EIF4G3: variants seen among roughly 807,000 people sequenced by gnomAD.
The protein encoded by EIF4G3 is eukaryotic translation initiation factor 4 gamma 3, also known as eIF-4-gamma 3.
In EIF4G3, 34 loss-of-function variants were observed where a neutral mutation model predicts 186.4. That is an observed-to-expected ratio of 0.18 (90% confidence interval 0.14 to 0.24). EIF4G3 has a LOEUF of 0.24. Among genes scored for constraint, EIF4G3 ranks in the 10% least tolerant of loss-of-function variants. The probability of loss-of-function intolerance (pLI) is 1.00; values close to 1 mark genes in which losing one functional copy is unlikely to be tolerated. For missense variants in EIF4G3, 1,536 were observed against 1,948.5 expected, an observed-to-expected ratio of 0.79 and a Z score of 3.99; for synonymous variants, 673 against 679.5, an observed-to-expected ratio of 0.99 and a Z score of 0.15.
chr1:21,090,313 ACT>A (rs1289304973), intron 2 of EIF4G3, among the ~76,000 whole-genome samples: 1 of 152,172 alleles, frequency 6.6e-6, no homozygotes, highest in African/African-American at 2.4e-5. Context: ...ATGGTTAAAG[ACT>A]CTGATTATTA....
At chr1:20,910,881 CAAAG>C (rs1225881778) in intron 14 of EIF4G3, among the ~76,000 whole-genome samples, 6 of 152,134 alleles carry the variant, frequency 3.9e-5, no homozygotes, top group African/African-American at 9.7e-5. Flanking sequence ...TGGAAGGAAA[CAAAG>C]AAAAGTTTAA....
chr1:20,933,409 C>A (rs1391149140), intron 14 of EIF4G3, among the ~76,000 whole-genome samples: 2 of 152,174 alleles, frequency 1.3e-5, no homozygotes, highest in East Asian at 3.8e-4. Flanking sequence ...GTAATCCCAG[C>A]ACTTTGGGAG....
intron 3 of EIF4G3, among the ~76,000 whole-genome samples, chr1:21,054,134 C>A (rs1333295894): frequency 2.0e-5 from 3 of 151,894 alleles, no homozygotes; most frequent in Admixed American, 6.6e-5. Flanking sequence ...AAGAAAAATT[C>A]TTCTGCCTTG....
At chr1:21,090,987 T>G (rs868371822) in intron 2 of EIF4G3, among the ~76,000 whole-genome samples, 1 of 152,134 alleles carries the variant, frequency 6.6e-6, no homozygotes, top group African/African-American at 2.4e-5. Context: ...TATTTCTACA[T>G]AGTTCTGAAA....
intron 20 of EIF4G3, 23 bp downstream of exon 20, chr1:20,879,300 T>C (rs1288292425): frequency 6.4e-7 from 1 of 1,553,636 alleles, no homozygotes; most frequent in East Asian, 2.4e-5. Context: ...GATTTCTCGT[T>C]TTACTCCTTC....
chr1:20,902,129 T>A (rs1050223925), intron 15 of EIF4G3, among the ~76,000 whole-genome samples: 7 of 151,854 alleles, frequency 4.6e-5, no homozygotes, highest in South Asian at 2.1e-4. Context: ...AGTGGCGCGA[T>A]CTCGGCTCAC....
chr1:20,859,187 C>A (rs2154551581), intron 24 of EIF4G3, among the ~76,000 whole-genome samples: 1 of 152,300 alleles, frequency 6.6e-6, no homozygotes, highest in Non-Finnish European at 1.5e-5. Flanking sequence ...TTGTCTGGCA[C>A]TTTTCCAAGA....
chr1:21,038,775 TATAA>T (rs2093387851), intron 4 of EIF4G3, among the ~76,000 whole-genome samples: 2 of 132,498 alleles, frequency 1.5e-5, no homozygotes, highest in Admixed American at 7.4e-5. Flanking sequence ...AAAAGTTATG[TATAA>T]GTTCTTTATT....
At chr1:20,954,534 CAAAAAAAAAA>C (rs35942587) in intron 12 of EIF4G3, among the ~76,000 whole-genome samples, 4 of 49,338 alleles carry the variant, frequency 8.1e-5, no homozygotes, top group African/African-American at 2.9e-4. Context: ...GACCCCGTCT[CAAAAAAAAAA>C]AAAAAAAAAA....
At chr1:20,891,174 G>C (rs1299152389) in intron 18 of EIF4G3, among the ~76,000 whole-genome samples, 1 of 152,150 alleles carries the variant, frequency 6.6e-6, no homozygotes, top group African/African-American at 2.4e-5. Flanking sequence ...TAATTTAAAA[G>C]AGACATTGCT....
At chr1:21,053,373 G>A (rs557190900) in intron 3 of EIF4G3, among the ~76,000 whole-genome samples, 1 of 149,692 alleles carries the variant, frequency 6.7e-6, no homozygotes, top group Non-Finnish European at 1.5e-5. Context: ...GGGAGGTGGG[G>A]GTCAGCCCCC....
At chr1:20,893,188 C>T (rs59036881) in intron 18 of EIF4G3, 4,855 of 199,962 alleles carry the variant, frequency 0.024, 146 homozygotes, top group East Asian at 0.094. Context: ...TGCCTTGACC[C>T]CACAAAGTGC....
chr1:20,813,318 C>G, intron 34 of EIF4G3, 79 bp from the exon 35 acceptor site: 4 of 954,232 alleles, frequency 4.2e-6, no homozygotes, highest in Non-Finnish European at 6.4e-6. Flanking sequence ...AATCCCAACA[C>G]TTTGGGAGGC....
intron 16 of EIF4G3, among the ~76,000 whole-genome samples, chr1:20,896,282 A>T (rs564792763): frequency 9.2e-5 from 14 of 151,986 alleles, no homozygotes; most frequent in South Asian, 4.2e-4. Flanking sequence ...AAAAAATTTT[A>T]AAAAATTAGC....
chr1:21,074,601 T>C (rs979216918), intron 3 of EIF4G3, among the ~76,000 whole-genome samples: 2 of 152,090 alleles, frequency 1.3e-5, no homozygotes, highest in African/African-American at 4.8e-5. Context: ...ATCAAGAAAA[T>C]TTCATTACTT....
At chr1:21,150,652 C>A (rs2097534673) in intron 2 of EIF4G3, among the ~76,000 whole-genome samples, 1 of 152,148 alleles carries the variant, frequency 6.6e-6, no homozygotes, top group Non-Finnish European at 1.5e-5. Flanking sequence ...ATTTCACTTT[C>A]CAAAATAGAA....
chr1:21,111,347 C>T (rs1457438952), intron 2 of EIF4G3: 1 of 471,522 alleles, frequency 2.1e-6, no homozygotes, highest in Non-Finnish European at 4.4e-6. Flanking sequence ...GTGATCGCTC[C>T]AAACTTCAGT....
intron 35 of EIF4G3, among the ~76,000 whole-genome samples, chr1:20,812,072 G>A (rs973987350): frequency 2.6e-5 from 4 of 152,138 alleles, no homozygotes; most frequent in South Asian, 2.1e-4. Context: ...AGACACATAC[G>A]GGTTTATATT....
At chr1:20,910,223 C>G (rs369583689) in intron 14 of EIF4G3, among the ~76,000 whole-genome samples, 139 of 152,208 alleles carry the variant, frequency 9.1e-4, no homozygotes, top group Non-Finnish European at 1.7e-3. Context: ...CAGTGAAGAA[C>G]TATAAAAGAG....
Sources: allele counts gnomAD v4.1 joint callset (sites outside exome capture counted in the v4.1 genomes callset), GRCh38; gene constraint gnomAD v4.1.1; transcripts MANE v1.5; gene names NCBI Gene and HGNC (gene_info 2026-07-23, HGNC 2026-07-21).